The following KCNIP4 variants were observed in gnomAD, a reference collection of about 807,000 sequenced individuals.
The protein encoded by KCNIP4 is Kv channel-interacting protein 4.
In KCNIP4, 12 loss-of-function variants were observed where a neutral mutation model predicts 34.0. The observed-to-expected ratio is 0.35, with a 90% confidence interval of 0.23 to 0.57. The LOEUF is 0.57. Among genes scored for constraint, KCNIP4 ranks in the 20% least tolerant of loss-of-function variants. The pLI is 0.83. For synonymous variants in KCNIP4, 124 were observed against 102.2 expected (o/e 1.21, Z -1.29); for missense variants, 238 against 311.7 (o/e 0.76, Z 1.78).
intron 1 of KCNIP4, among the ~76,000 whole-genome samples, chr4:21,442,888 C>T (rs1013240431): frequency 6.6e-6 from 1 of 152,224 alleles, no homozygotes; most frequent in Non-Finnish European, 1.5e-5. Context: ...TAATAGGTCC[C>T]TAAAACTTAA....
intron 1 of KCNIP4, among the ~76,000 whole-genome samples, chr4:21,141,916 C>A (rs1751983156): frequency 6.6e-6 from 1 of 151,436 alleles, no homozygotes; most frequent in African/African-American, 2.4e-5. Context: ...CTTTGGGAGG[C>A]CGAGGTGTGT....
chr4:20,951,564 A>G (rs1732792291), intron 1 of KCNIP4, among the ~76,000 whole-genome samples: 1 of 152,156 alleles, frequency 6.6e-6, no homozygotes, highest in Admixed American at 6.6e-5. Context: ...ACTAAATGCT[A>G]TTCCCCCTCC....
chr4:21,351,357 T>G (rs140840044), intron 1 of KCNIP4, among the ~76,000 whole-genome samples: 1 of 152,110 alleles, frequency 6.6e-6, no homozygotes. Context: ...GTAACTCTCA[T>G]GAGATCAGAT....
chr4:21,803,961 G>A (rs986698), intron 1 of KCNIP4, among the ~76,000 whole-genome samples: 12,871 of 152,178 alleles, frequency 0.085, 1,857 homozygotes, highest in African/African-American at 0.3. Context: ...AACAAAGCCA[G>A]GCTCATTGCA....
At chr4:21,426,958 C>T (rs1184305765) in intron 1 of KCNIP4, among the ~76,000 whole-genome samples, 1 of 150,268 alleles carries the variant, frequency 6.7e-6, no homozygotes, top group East Asian at 2.0e-4. Context: ...TTCCCATTCT[C>T]ATTAAACTTC....
chr4:21,041,566 C>T (rs1335081410), intron 1 of KCNIP4, among the ~76,000 whole-genome samples: 2 of 152,152 alleles, frequency 1.3e-5, no homozygotes, highest in Non-Finnish European at 1.5e-5. Context: ...TCAAAATCCC[C>T]ACATCTGGGA....
At chr4:21,269,619 T>G (rs1762019533) in intron 1 of KCNIP4, among the ~76,000 whole-genome samples, 1 of 152,124 alleles carries the variant, frequency 6.6e-6, no homozygotes, top group Non-Finnish European at 1.5e-5. Context: ...GATCTCCAAC[T>G]CCTGAGCTCA....
intron 1 of KCNIP4, among the ~76,000 whole-genome samples, chr4:21,445,912 C>G (rs1727941891): frequency 6.6e-6 from 1 of 152,008 alleles, no homozygotes. Flanking sequence ...ACAAAGAACT[C>G]CAACAAATTT....
intron 1 of KCNIP4, among the ~76,000 whole-genome samples, chr4:21,469,663 C>G (rs1327225494): frequency 6.6e-6 from 1 of 152,100 alleles, no homozygotes; most frequent in Non-Finnish European, 1.5e-5. Context: ...AACATAACAG[C>G]TCTACTTTGC....
intron 1 of KCNIP4, among the ~76,000 whole-genome samples, chr4:21,938,273 A>G (rs1327684109): frequency 1.3e-5 from 2 of 152,138 alleles, no homozygotes; most frequent in Non-Finnish European, 2.9e-5. Context: ...GTGTTATTAC[A>G]GGGCTTTTGA....
chr4:21,724,889 C>T (rs1302369484), intron 1 of KCNIP4, among the ~76,000 whole-genome samples: 1 of 151,994 alleles, frequency 6.6e-6, no homozygotes, highest in East Asian at 1.9e-4. Flanking sequence ...ATACAGTATC[C>T]AAAGGTCTTT....
intron 2 of KCNIP4, among the ~76,000 whole-genome samples, chr4:20,868,741 G>C (rs987142701): frequency 1.3e-5 from 2 of 152,066 alleles, no homozygotes; most frequent in African/African-American, 4.8e-5. Context: ...CATAGGAATA[G>C]AAAAACAAAT....
chr4:21,343,692 A>T (rs1015357860), intron 1 of KCNIP4, among the ~76,000 whole-genome samples: 1 of 152,044 alleles, frequency 6.6e-6, no homozygotes, highest in Non-Finnish European at 1.5e-5. Flanking sequence ...ACACTTTCTA[A>T]CTTCACCCCC....
At chr4:21,340,836 C>T (rs1434312186) in intron 1 of KCNIP4, among the ~76,000 whole-genome samples, 2 of 152,116 alleles carry the variant, frequency 1.3e-5, no homozygotes, top group Non-Finnish European at 2.9e-5. Context: ...TTTGTCTCAA[C>T]ATGGCCAGCT....
At chr4:21,108,418 G>A (rs1287945208) in intron 1 of KCNIP4, among the ~76,000 whole-genome samples, 1 of 151,368 alleles carries the variant, frequency 6.6e-6, no homozygotes, top group Admixed American at 6.6e-5. Flanking sequence ...CATTCTTCAC[G>A]TAGTTCTCGA....
intron 1 of KCNIP4, among the ~76,000 whole-genome samples, chr4:21,579,635 A>T (rs1033348968): frequency 6.6e-6 from 1 of 152,006 alleles, no homozygotes; most frequent in Non-Finnish European, 1.5e-5. Flanking sequence ...ACCCTCAAAC[A>T]CCTTGCTTTT....
chr4:20,935,675 T>C (rs1254807396), intron 1 of KCNIP4, among the ~76,000 whole-genome samples: 3 of 152,172 alleles, frequency 2.0e-5, no homozygotes, highest in African/African-American at 7.2e-5. Context: ...ATGGTTTCCC[T>C]TACAAGTAAA....
chr4:21,048,653 T>C (rs79801188), intron 1 of KCNIP4, among the ~76,000 whole-genome samples: 2 of 152,164 alleles, frequency 1.3e-5, no homozygotes, highest in African/African-American at 4.8e-5. Context: ...AAATAAATTG[T>C]TGAGTGAAAG....
intron 1 of KCNIP4, among the ~76,000 whole-genome samples, chr4:21,334,056 A>G (rs911686353): frequency 3.3e-5 from 5 of 152,130 alleles, no homozygotes; most frequent in Admixed American, 2.6e-4. Context: ...TTAAGAAACC[A>G]GCTACAAAAA....
Sources: gnomAD v4.1 joint callset for allele counts (sites outside exome capture counted in the v4.1 genomes callset) on GRCh38, gnomAD v4.1.1 for gene constraint, MANE v1.5 for transcripts, NCBI Gene and HGNC (gene_info 2026-07-23, HGNC 2026-07-21) for gene names.